CREB3L2: variants seen among roughly 807,000 people sequenced by gnomAD.
The protein encoded by CREB3L2 is cAMP responsive element binding protein 3 like 2.
Under a neutral mutation model 57.2 loss-of-function variants are expected in CREB3L2, and 23 were observed. The ratio of observed to expected loss-of-function variants is 0.40; its 90% CI spans 0.29 to 0.57. CREB3L2 has a LOEUF of 0.57. CREB3L2 is among the 20% of genes least tolerant of loss of function. The probability of loss-of-function intolerance (pLI) is 0.42; values close to 1 mark genes in which losing one functional copy is unlikely to be tolerated. For missense variants in CREB3L2, 628 were observed against 634.7 expected (o/e 0.99, Z 0.11); for synonymous variants, 268 against 265.1 (o/e 1.01, Z -0.11).
intron 11 of CREB3L2, 100 bp downstream of exon 11, chr7:137,882,312 A>C: frequency 1.2e-6 from 1 of 860,712 alleles, no homozygotes; most frequent in Non-Finnish European, 1.9e-6. Flanking sequence ...GAGGGACTGA[A>C]CCAGGCCTAT....
intron 2 of CREB3L2, chr7:137,922,487 C>CAT (rs1800351664): frequency 8.3e-6 from 1 of 120,990 alleles, no homozygotes; most frequent in African/African-American, 5.2e-5. Context: ...TATATATATA[C>CAT]ACACACACAC....
intron 3 of CREB3L2, among the ~76,000 whole-genome samples, chr7:137,914,116 TC>T (rs1490681959): frequency 1.3e-5 from 2 of 151,508 alleles, no homozygotes; most frequent in Non-Finnish European, 2.9e-5. Flanking sequence ...CCAAGCCACA[TC>T]CTTTCTCTTA....
At chr7:137,936,048 T>C in intron 1 of CREB3L2, 3 of 453,420 alleles carry the variant, frequency 6.6e-6, no homozygotes, top group Non-Finnish European at 8.7e-6. Flanking sequence ...GAAGGATTCA[T>C]AATTCTTTAG....
chr7:137,882,025 T>C lies in CREB3L2; in HGVS notation c.1487+387A>G, dbSNP rs114718963. Reference sequence around the variant, plus strand: ...AGCACAATATATATCTACTCCCTAGTTGAAGCCATGAAACATGTCTTAAAG... The same window carrying C: ...AGCACAATATATATCTACTCCCTAGCTGAAGCCATGAAACATGTCTTAAAG... On this transcript the variant is annotated intron_variant, in intron 11 of 11. Coordinates refer to ENST00000330387, the MANE Select transcript of CREB3L2 (RefSeq NM_194071.4). Among the ~76,000 whole-genome samples the C allele has an allele frequency of 3.9e-3, 591 of 152,344 alleles. 5 individuals carry two copies. Among genetic ancestry groups the C allele is most frequent in the African/African-American group, 0.014 (562 of 41,572 alleles).
intron 2 of CREB3L2, among the ~76,000 whole-genome samples, chr7:137,918,691 C>G (rs1800205051): frequency 6.6e-6 from 1 of 151,650 alleles, no homozygotes; most frequent in Admixed American, 6.6e-5. Context: ...GCAGTGAAGG[C>G]AACTGTGATG....
chr7:137,880,458 G>A lies in CREB3L2; in HGVS notation c.*18C>T. On this transcript the variant is annotated 3_prime_UTR_variant, in exon 12 of 12. Coordinates refer to ENST00000330387, the MANE Select transcript of CREB3L2 (RefSeq NM_194071.4). This position sits in a 1 kb window ranked among gnomAD's most constrained non-coding sequence, Gnocchi z 4.0. ...AAAAGTAGAGTTAAGGGAAAGGGAGGGGGTGCAGGCAGCCTCTTTAGAAAG... is the reference window on the plus strand; with the variant it reads ...AAAAGTAGAGTTAAGGGAAAGGGAGAGGGTGCAGGCAGCCTCTTTAGAAAG... The A allele has an allele frequency of 1.2e-6, 2 of 1,603,308 alleles. No individual in the cohort carries two copies. The highest frequency in any genetic ancestry group is 1.7e-6 in the Non-Finnish European group (2 of 1,171,028).
At chr7:137,922,393 T>TATATATATATAC (rs1401470714) in intron 2 of CREB3L2, among the ~76,000 whole-genome samples, 18 of 20,094 alleles carry the variant, frequency 9.0e-4, no homozygotes, top group Non-Finnish European at 3.9e-4. Context: ...TGTATATATA[T>TATATATATATAC]ATATATATAT....
intron 1 of CREB3L2, among the ~76,000 whole-genome samples, chr7:137,998,709 G>A (rs1802029598): frequency 6.6e-6 from 1 of 152,212 alleles, no homozygotes; most frequent in South Asian, 2.1e-4. Context: ...CATAATATTT[G>A]TAAAGCACTA....
intron 5 of CREB3L2, among the ~76,000 whole-genome samples, chr7:137,906,839 A>C (rs1208801344): frequency 6.6e-6 from 1 of 152,168 alleles, no homozygotes; most frequent in Non-Finnish European, 1.5e-5. Flanking sequence ...TCCATGTAAG[A>C]CATGACTTGC....
intron 10 of CREB3L2, among the ~76,000 whole-genome samples, chr7:137,883,503 T>A (rs1001110459): frequency 7.2e-5 from 11 of 152,212 alleles, no homozygotes; most frequent in Admixed American, 3.3e-4. Context: ...ATATAGCATG[T>A]AGGGTTCATA....
chr7:137,947,619 G>C (rs1250790019), intron 1 of CREB3L2, among the ~76,000 whole-genome samples: 1 of 152,114 alleles, frequency 6.6e-6, no homozygotes, highest in Non-Finnish European at 1.5e-5. Context: ...CTTCATACCT[G>C]GGCTCCCAGA....
chr7:137,939,159 C>T lies in CREB3L2; in HGVS notation c.103-10793G>A, dbSNP rs139015894. On this transcript the variant is annotated intron_variant, in intron 1 of 11. Transcript: ENST00000330387. ...AGTACCAACAGGAATAAAAATAATGCGAAGAAAATTTAATAATAATAGCAC... is the reference window on the plus strand; with the variant it reads ...AGTACCAACAGGAATAAAAATAATGTGAAGAAAATTTAATAATAATAGCAC... 3.9e-4 allele frequency among the ~76,000 whole-genome samples: 59 copies of T among 152,222 alleles called. 1 individual carries two copies. In the South Asian group the frequency reaches 7.5e-3, roughly 19 times the overall value.
At chr7:137,938,440 G>T (rs766305199) in intron 1 of CREB3L2, among the ~76,000 whole-genome samples, 2 of 152,058 alleles carry the variant, frequency 1.3e-5, no homozygotes, top group Non-Finnish European at 2.9e-5. Flanking sequence ...CCACCTCCTG[G>T]GTTCAAGCGA....
chr7:137,893,211 G>A (rs376050362), intron 8 of CREB3L2, among the ~76,000 whole-genome samples: 92 of 152,282 alleles, frequency 6.0e-4, no homozygotes, highest in African/African-American at 2.1e-3. Flanking sequence ...ACAAACACTG[G>A]CCAAGGAACA....
At chr7:137,882,842 A>G (rs1799327308) in intron 10 of CREB3L2, among the ~76,000 whole-genome samples, 1 of 152,206 alleles carries the variant, frequency 6.6e-6, no homozygotes. Flanking sequence ...CAGTGCTGGA[A>G]GAACAATAGA....
intron 4 of CREB3L2, 92 bp downstream of exon 4, chr7:137,912,899 C>T: frequency 6.4e-7 from 1 of 1,568,364 alleles, no homozygotes; most frequent in East Asian, 2.3e-5. Flanking sequence ...ATCTGTGGTA[C>T]AAACTCATCC....
chr7:137,938,319 A>C (rs937208203), intron 1 of CREB3L2, among the ~76,000 whole-genome samples: 3 of 152,106 alleles, frequency 2.0e-5, no homozygotes, highest in African/African-American at 7.2e-5. Flanking sequence ...TCTGAACCTC[A>C]AACTGCTTTC....
intron 8 of CREB3L2, among the ~76,000 whole-genome samples, chr7:137,886,721 A>C (rs1799427065): frequency 7.5e-6 from 1 of 132,720 alleles, no homozygotes; most frequent in Non-Finnish European, 1.5e-5. Flanking sequence ...AGAGAGCAAG[A>C]GCAGAAAAAA....
Position 137,934,477 on chromosome 7 carries a change from G to A in CREB3L2, c.103-6111C>T, listed in dbSNP as rs564548937. On this transcript the variant is annotated intron_variant, in intron 1 of 11. Transcript: ENST00000330387. Reference sequence around the variant, plus strand: ...TACAGATCAGAAAACTGGGGCTCAGGATAATTAGCTATTTTGCCCTGAGAT... The same window carrying A: ...TACAGATCAGAAAACTGGGGCTCAGAATAATTAGCTATTTTGCCCTGAGAT... Among the ~76,000 whole-genome samples, 9 of 152,328 alleles carry A rather than the reference G, an allele frequency of 5.9e-5. No individual in the cohort carries two copies. In the East Asian group the frequency reaches 1.7e-3, roughly 29 times the overall value.
Sources: allele counts gnomAD v4.1 joint callset (sites outside exome capture counted in the v4.1 genomes callset), GRCh38; gene constraint gnomAD v4.1.1; non-coding constraint Gnocchi (gnomAD v3.1); transcripts MANE v1.5; gene names NCBI Gene and HGNC (gene_info 2026-07-23, HGNC 2026-07-21).